The following NUP205 variants were observed in gnomAD, a reference collection of about 807,000 sequenced individuals.
NUP205 encodes nuclear pore complex protein Nup205.
A neutral mutation model predicts 253.8 loss-of-function variants in NUP205; 76 were observed. The observed-to-expected ratio is 0.30, with a 90% confidence interval of 0.25 to 0.36. NUP205 has a LOEUF of 0.36. NUP205 is among the 10% of genes least tolerant of loss of function. The pLI is 1.00. For missense variants in NUP205, 2,162 were observed against 2,425.5 expected (o/e 0.89, Z 2.28); for synonymous variants, 832 against 850.1 (o/e 0.98, Z 0.37).
intron 24 of NUP205, 42 bp from the exon 25 acceptor site, chr7:135,616,613 T>G: frequency 8.6e-7 from 1 of 1,167,864 alleles, no homozygotes; most frequent in Non-Finnish European, 1.2e-6. Context: ...TTTAAGAGTA[T>G]GTTCTTCTTT....
At chr7:135,578,638 A>G (rs186511568) in intron 6 of NUP205, 113 bp from the exon 7 acceptor site, 22 of 689,286 alleles carry the variant, frequency 3.2e-5, no homozygotes, top group East Asian at 1.9e-4. Context: ...TTAATTGGTC[A>G]TTATTCTTCT....
chr7:135,574,833 AG>A (rs1485629975), intron 3 of NUP205, among the ~76,000 whole-genome samples: 34 of 152,330 alleles, frequency 2.2e-4, no homozygotes, highest in African/African-American at 7.9e-4. Flanking sequence ...ATTATAATGG[AG>A]GAGCCATTTG....
At chr7:135,617,453 G>A in intron 26 of NUP205, 149 bp from the exon 27 acceptor site, 1 of 709,302 alleles carries the variant, frequency 1.4e-6, no homozygotes. Context: ...TTAATATTTT[G>A]GTCTGGAAAT....
rs61756076 is a variant in NUP205, at chr7:135,577,828, T to C, written c.681T>C (p.Ser227=). ...ATCTCATTAAGGAGTGCAGGCAGTC[T>C]CTTGCAGAAAGCCTTTTTGCCTGGG... ...VSDLIKECRQ[S]LAESLFAWAC... Residue 227 remains serine, a synonymous_variant, in exon 6 of 43, where the codon TCT becomes TCC. Transcript: ENST00000285968. 12 of 1,614,112 alleles carry C rather than the reference T, an allele frequency of 7.4e-6. No homozygotes were observed. Among genetic ancestry groups the C allele is most frequent in the Admixed American group, 3.3e-5 (2 of 60,022 alleles).
At chr7:135,624,077 C>T (rs1176647302) in intron 31 of NUP205, among the ~76,000 whole-genome samples, 4 of 152,052 alleles carry the variant, frequency 2.6e-5, no homozygotes, top group African/African-American at 7.2e-5. Flanking sequence ...CCACCACACC[C>T]GGCCACCTTT....
rs1442160285 is a variant in NUP205 at position 135,591,674 on chromosome 7, A to T, written c.1624+74A>T. The T allele has an allele frequency of 6.6e-6, 9 of 1,354,400 alleles. No individual in the cohort carries two copies. The Admixed American group carries it at 1.8e-4, about 28-fold the overall frequency. The allele number at this position is 1,354,400 out of a possible 1,614,324, so 83.9% of individuals were successfully genotyped here. A position where few individuals can be genotyped will look rare whatever the true frequency, so the allele number is the denominator to read the frequency against. ...GTTCAGTATCCCACTACCTATTAAG[A>T]ACATTGGTGTTTGAACTAGGTTCTA... On this transcript the variant is annotated intron_variant, in intron 11 of 42. Coordinates refer to ENST00000285968, the MANE Select transcript of NUP205 (RefSeq NM_015135.3).
In NUP205 at chr7:135,646,228, C is replaced by T; in HGVS notation, c.5883C>T (p.Asp1961=). The T allele has an allele frequency of 1.2e-6, 2 of 1,605,556 alleles. No individual in the cohort carries two copies. Among genetic ancestry groups the T allele is most frequent in the Non-Finnish European group, 1.7e-6 (2 of 1,172,300 alleles). Residue 1961 remains aspartate (D), a synonymous_variant, in exon 42 of 43, where the codon GAC becomes GAT. Transcript: ENST00000285968. ...CTATAGTGAGCCAACATGATTTAGA[C>T]CAGGTAAGGTTCTATTCTCATATTC... ...GLAIVSQHDL[D]QLQADAINAF...
chr7:135,625,182 C>A lies in NUP205; in HGVS notation c.4498C>A (p.Leu1500Ile). ...CCTTCAGATGCTGGCCCTGGCTCTA[C>A]TTGATAGAATTGTCTCCGTGGATAA... ...EIGRMLALAL[L>I]DRIVSVDKQQ... Residue 1500 changes from leucine (L) to isoleucine (I), a missense_variant, in exon 32 of 43, where the codon CTT (leucine) becomes ATT (isoleucine). Physicochemically the swap from Leu to Ile is conservative, Grantham distance 5 (BLOSUM62 2). Transcript: ENST00000285968. 1 of 1,613,058 alleles carries A rather than the reference C, an allele frequency of 6.2e-7. No homozygotes were observed. Among genetic ancestry groups the A allele is most frequent in the Non-Finnish European group, 8.5e-7 (1 of 1,179,772 alleles).
At chr7:135,612,635 G>C (rs1190359219) in intron 22 of NUP205, among the ~76,000 whole-genome samples, 1 of 152,194 alleles carries the variant, frequency 6.6e-6, no homozygotes, top group African/African-American at 2.4e-5. Flanking sequence ...CTCCATTAGA[G>C]AGCATGAGAG....
intron 13 of NUP205, among the ~76,000 whole-genome samples, chr7:135,594,950 C>T (rs971080474): frequency 6.6e-6 from 1 of 152,174 alleles, no homozygotes; most frequent in African/African-American, 2.4e-5. Flanking sequence ...ATTGGTTCTT[C>T]ATGTACTGTA....
intron 37 of NUP205, 69 bp downstream of exon 37, chr7:135,638,128 G>T (rs1009546633): frequency 6.5e-7 from 1 of 1,529,242 alleles, no homozygotes; most frequent in Non-Finnish European, 8.9e-7. Flanking sequence ...AACAGATGTG[G>T]ACCTGGTGCG....
chr7:135,611,478 A>G (rs1386166053), intron 22 of NUP205, among the ~76,000 whole-genome samples: 2 of 152,214 alleles, frequency 1.3e-5, no homozygotes, highest in South Asian at 2.1e-4. Flanking sequence ...TAAAAGGTCA[A>G]TGTACATCTG....
chr7:135,565,577 C>T (rs1032531093), intron 1 of NUP205, among the ~76,000 whole-genome samples: 6 of 151,888 alleles, frequency 4.0e-5, no homozygotes, highest in Admixed American at 3.9e-4. Context: ...GGATTACAGG[C>T]ACCTGCCACC....
At chr7:135,627,625 G>A (rs1191274976) in intron 33 of NUP205, among the ~76,000 whole-genome samples, 3 of 152,204 alleles carry the variant, frequency 2.0e-5, no homozygotes, top group Non-Finnish European at 2.9e-5. Flanking sequence ...TTTAGGGAAA[G>A]TAGCTTTTTA....
At position 135,606,921 on chromosome 7, in the gene NUP205, G is replaced by T; in HGVS notation, c.3070+6G>T. The T allele has an allele frequency of 1.9e-6, 3 of 1,611,738 alleles. No individual in the cohort carries two copies. The highest frequency in any genetic ancestry group is 2.5e-6 in the Non-Finnish European group (3 of 1,178,612). On this transcript the variant is annotated splice_donor_region_variant and intron_variant, in intron 21 of 42. Transcript: ENST00000285968. ...TACAAACCTACAAGATCCAGGTATA[G>T]CCTAAGACATAAAGGCATTTCTTTC...
rs753589462 is a variant in NUP205, at chr7:135,587,976, G to A, written c.1457G>A (p.Arg486Gln). Residue 486 changes from arginine (R) to glutamine (Q), a missense_variant, in exon 10 of 43, where the codon CGG (arginine) becomes CAG (glutamine). Coordinates refer to ENST00000285968, the MANE Select transcript of NUP205 (RefSeq NM_015135.3). ...TCTTATCTAGGGGTGGCTCATCAGC[G>A]GCCCCCTCAACGCCAGGTGAGTCTT... ...MGSYLGVAHQ[R>Q]PPQRQVVLSK... 1.2e-5 allele frequency: 20 copies of A among 1,612,936 alleles called. No individual in the cohort carries two copies. Among genetic ancestry groups the A allele is most frequent in the Admixed American group, 5.0e-5 (3 of 59,846 alleles).
In NUP205 at chr7:135,593,096, T is replaced by C. The variant is rs1244004787; in HGVS notation, c.1734T>C (p.Ser578=). 5 of 1,614,008 alleles carry C rather than the reference T, an allele frequency of 3.1e-6. No homozygotes were observed. The highest frequency in any genetic ancestry group is 3.4e-6 in the Non-Finnish European group (4 of 1,179,996). Residue 578 remains serine, a synonymous_variant, in exon 12 of 43, where the codon AGT becomes AGC. Transcript: ENST00000285968. ...GGAAGGATCTTCCAAGTGCAGATAG[T>C]GTCCAGTACCGTCACCTTCCTTCCC... ...HLRKDLPSAD[S]VQYRHLPSRG... is the part of the protein sequence containing the mutation.
At chr7:135,579,260 T>C (rs961856696) in intron 7 of NUP205, among the ~76,000 whole-genome samples, 2 of 151,842 alleles carry the variant, frequency 1.3e-5, no homozygotes, top group Non-Finnish European at 2.9e-5. Context: ...AATGGCACAG[T>C]CTCGGCTCAC....
chr7:135,567,128 G>GTA (rs1163648935), intron 1 of NUP205, among the ~76,000 whole-genome samples: 10 of 7,230 alleles, frequency 1.4e-3, no homozygotes, highest in African/African-American at 4.9e-3. Context: ...GTCTATGTGT[G>GTA]TATATATATA....
Sources: gnomAD v4.1 joint callset for allele counts (sites outside exome capture counted in the v4.1 genomes callset) on GRCh38, gnomAD v4.1.1 for gene constraint, MANE v1.5 for transcripts, NCBI Gene and HGNC (gene_info 2026-07-23, HGNC 2026-07-21) for gene names.